The following THSD4 variants were observed in gnomAD, a reference collection of about 807,000 sequenced individuals.
THSD4 encodes the protein thrombospondin type 1 domain containing 4.
THSD4 carries 69 observed loss-of-function variants against 119.0 expected under a neutral mutation model. That is an observed-to-expected ratio of 0.58 (90% CI 0.48 to 0.71). The LOEUF (loss-of-function observed/expected upper bound fraction) is 0.71, where lower values mean the gene tolerates loss of function less well. THSD4 is among the 30% of genes least tolerant of loss of function. The pLI is 0.00. For synonymous variants in THSD4, 524 were observed against 540.4 expected, an observed-to-expected ratio of 0.97 and a Z score of 0.42; for missense variants, 1,393 against 1,391.1, an observed-to-expected ratio of 1.00 and a Z score of -0.02.
At chr15:71,532,476 AT>A (rs58655409) in intron 7 of THSD4, among the ~76,000 whole-genome samples, 92 of 147,950 alleles carry the variant, frequency 6.2e-4, no homozygotes, top group Middle Eastern at 7.1e-3. Flanking sequence ...ATGCCCAGCA[AT>A]TTTTTTTTTT....
intron 3 of THSD4, among the ~76,000 whole-genome samples, chr15:71,213,096 C>G (rs370048169): frequency 7.6e-4 from 116 of 152,226 alleles, no homozygotes; most frequent in African/African-American, 2.7e-3. Context: ...TTCTGAAGAT[C>G]AGCAGTTCAA....
Position 71,366,063 on chromosome 15 carries a change from T to C in THSD4, c.1016-45624T>C, listed in dbSNP as rs566281297. 2.0e-5 allele frequency among the ~76,000 whole-genome samples: 3 copies of C among 152,168 alleles called. No homozygotes were observed. The East Asian group carries it at 5.8e-4, about 29-fold the overall frequency. On this transcript the variant is annotated intron_variant, in intron 6 of 17. Coordinates refer to ENST00000261862, the MANE Select transcript of THSD4 (RefSeq NM_024817.3). The stretch of plus-strand genomic sequence containing the variant: ...TCCCTCCTACTTGTGTCCCAGGTTT[T>C]TTTGTTTTGTTTTGTTTTTGGTTTT...
At chr15:71,770,178 G>T (rs1307651734) in intron 16 of THSD4, among the ~76,000 whole-genome samples, 3 of 131,562 alleles carry the variant, frequency 2.3e-5, no homozygotes, top group East Asian at 2.1e-4. Context: ...AACCCAGGAG[G>T]CAGAGGTTGT....
intron 5 of THSD4, among the ~76,000 whole-genome samples, chr15:71,244,945 G>A (rs1337938504): frequency 2.6e-5 from 4 of 152,182 alleles, no homozygotes; most frequent in Non-Finnish European, 2.9e-5. Flanking sequence ...TGCCCGCTTA[G>A]CATTCCTTGC....
chr15:71,270,858 G>C (rs1209214412), intron 6 of THSD4, among the ~76,000 whole-genome samples: 1 of 149,358 alleles, frequency 6.7e-6, no homozygotes, highest in African/African-American at 2.5e-5. Context: ...TGGCCATGTA[G>C]AAGGCATATT....
chr15:71,494,007 A>T (rs1443374140), intron 7 of THSD4, among the ~76,000 whole-genome samples: 1 of 152,154 alleles, frequency 6.6e-6, no homozygotes, highest in African/African-American at 2.4e-5. Context: ...TGACCTTCCT[A>T]GTTTACAGCG....
intron 7 of THSD4, among the ~76,000 whole-genome samples, chr15:71,412,642 A>G (rs995857994): frequency 6.6e-6 from 1 of 152,162 alleles, no homozygotes; most frequent in African/African-American, 2.4e-5. Context: ...CTCTTTGGCT[A>G]TGACACCTGG....
intron 4 of THSD4, among the ~76,000 whole-genome samples, chr15:71,235,401 A>G (rs548926669): frequency 2.6e-5 from 4 of 152,270 alleles, no homozygotes; most frequent in African/African-American, 9.6e-5. Context: ...ATCCAGTAGT[A>G]TCTTAGATTT....
chr15:71,728,692 G>T lies in THSD4; in HGVS notation c.1501G>T (p.Glu501Ter). Residue 501 changes from glutamate (E) to a stop codon, truncating the protein, a stop_gained, in exon 9 of 18, where the codon GAA becomes TAA. Transcript: ENST00000261862. LOFTEE classifies it high-confidence loss of function. ...CACTGCCGGAGAGTCCTTTTTGGCG[G>T]AAGGTCCCACCAACGAGATCTTGGA... ...SSTAGESFLAEGPTNEILDVY... is the reference protein window; with the variant it reads ...SSTAGESFLA 1 of 1,614,204 alleles carries T rather than the reference G, an allele frequency of 6.2e-7. No individual in the cohort carries two copies. Among genetic ancestry groups the T allele is most frequent in the Non-Finnish European group, 8.5e-7 (1 of 1,180,038 alleles).
intron 5 of THSD4, among the ~76,000 whole-genome samples, chr15:71,254,657 A>AT (rs1440081029): frequency 3.3e-5 from 5 of 152,210 alleles, no homozygotes; most frequent in Non-Finnish European, 7.4e-5. Flanking sequence ...AGCTGTTCAC[A>AT]TCCTACTTGA....
At chr15:71,742,197 A>G (rs2053249867) in intron 11 of THSD4, among the ~76,000 whole-genome samples, 2 of 152,172 alleles carry the variant, frequency 1.3e-5, no homozygotes, top group African/African-American at 4.8e-5. Context: ...ACCACACCAC[A>G]CAGTTCTGTG....
chr15:71,307,985 G>T (rs1286287748), intron 6 of THSD4, among the ~76,000 whole-genome samples: 2 of 152,164 alleles, frequency 1.3e-5, no homozygotes, highest in Non-Finnish European at 2.9e-5. Context: ...CACCAGGGAA[G>T]CATGCCAGAG....
At chr15:71,690,031 C>T (rs963844078) in intron 8 of THSD4, among the ~76,000 whole-genome samples, 3 of 152,154 alleles carry the variant, frequency 2.0e-5, no homozygotes, top group African/African-American at 7.2e-5. Context: ...GTAAATGCCC[C>T]CAAACTCTTC....
At chr15:71,692,570 CAGCTT>C (rs2052078278) in intron 8 of THSD4, among the ~76,000 whole-genome samples, 1 of 152,192 alleles carries the variant, frequency 6.6e-6, no homozygotes, top group Admixed American at 6.5e-5. Flanking sequence ...AGGGTGACCT[CAGCTT>C]AGCCACCAGA....
chr15:71,361,370 A>G (rs2045889883), intron 6 of THSD4, among the ~76,000 whole-genome samples: 1 of 152,266 alleles, frequency 6.6e-6, no homozygotes, highest in Admixed American at 6.5e-5. Flanking sequence ...AATGCTTCAC[A>G]TACAGTTCTT....
intron 7 of THSD4, among the ~76,000 whole-genome samples, chr15:71,421,347 T>C (rs1199585861): frequency 9.1e-6 from 1 of 109,984 alleles, no homozygotes; most frequent in Non-Finnish European, 1.9e-5. Context: ...TCTTGTAGGA[T>C]AGGGCTTGTG....
intron 8 of THSD4, among the ~76,000 whole-genome samples, chr15:71,715,585 C>T (rs1595885393): frequency 6.7e-6 from 1 of 148,918 alleles, no homozygotes; most frequent in South Asian, 2.2e-4. Flanking sequence ...ATGTGGAAGC[C>T]ACTGTGTGTG....
intron 7 of THSD4, among the ~76,000 whole-genome samples, chr15:71,520,998 C>T (rs192438230): frequency 4.6e-5 from 7 of 152,312 alleles, no homozygotes; most frequent in East Asian, 3.9e-4. Flanking sequence ...ATCTTCCTTC[C>T]GTGACCATAC....
At chr15:71,767,807 T>G (rs2053739762) in intron 16 of THSD4, among the ~76,000 whole-genome samples, 3 of 152,252 alleles carry the variant, frequency 2.0e-5, no homozygotes, top group South Asian at 4.1e-4. Context: ...TAAGTTAGGT[T>G]GGGATATCTT....
Sources: allele counts gnomAD v4.1 joint callset (sites outside exome capture counted in the v4.1 genomes callset), GRCh38; gene constraint gnomAD v4.1.1; transcripts MANE v1.5; gene names NCBI Gene and HGNC (gene_info 2026-07-23, HGNC 2026-07-21).